IQCK: variants seen among roughly 807,000 people sequenced by gnomAD.
IQCK encodes IQ motif containing K, also known as IQ domain-containing protein K.
A neutral mutation model predicts 28.1 loss-of-function variants in IQCK; 29 were observed. That is an observed-to-expected ratio of 1.03 (90% CI 0.77 to 1.41). The LOEUF (loss-of-function observed/expected upper bound fraction) is 1.41, where lower values mean the gene tolerates loss of function less well. Ranked by LOEUF, IQCK falls within the 40% of genes most tolerant of loss-of-function variation. IQCK has a pLI of 0.00. For synonymous variants in IQCK, 113 were observed against 115.1 expected, an observed-to-expected ratio of 0.98 and a Z score of 0.12; for missense variants, 359 against 314.7, an observed-to-expected ratio of 1.14 and a Z score of -1.07.
chr16:19,857,293 C>G, exon 10 of IQCK: 1 of 352,020 alleles, frequency 2.8e-6, no homozygotes, highest in South Asian at 2.3e-5. Context: ...TACCACACGT[C>G]TTAAGTAAAT....
intron 7 of IQCK, among the ~76,000 whole-genome samples, chr16:19,820,800 TA>T (rs2056062068): frequency 6.6e-6 from 1 of 151,988 alleles, no homozygotes; most frequent in Non-Finnish European, 1.5e-5. Flanking sequence ...GTCCAAAACA[TA>T]TAATAAACTC....
At chr16:19,730,888 C>T (rs962823401) in intron 2 of IQCK, among the ~76,000 whole-genome samples, 1 of 152,060 alleles carries the variant, frequency 6.6e-6, no homozygotes, top group Non-Finnish European at 1.5e-5. Context: ...CACCCGCCAC[C>T]GTGCTTGGGA....
exon 10 of IQCK, chr16:19,858,165 T>C: frequency 4.2e-6 from 1 of 239,208 alleles, no homozygotes; most frequent in Non-Finnish European, 8.0e-6. Context: ...AGATGTCTCT[T>C]GATACTTTTC....
At chr16:19,835,587 CTTTT>C (rs372317479) in intron 9 of IQCK, among the ~76,000 whole-genome samples, 1 of 138,934 alleles carries the variant, frequency 7.2e-6, no homozygotes, top group Non-Finnish European at 1.6e-5. Context: ...CTTTTCTTTT[CTTTT>C]TTTTTTTTTT....
At chr16:19,747,502 T>G (rs1282156222) in intron 4 of IQCK, among the ~76,000 whole-genome samples, 2 of 152,120 alleles carry the variant, frequency 1.3e-5, no homozygotes, top group Admixed American at 1.3e-4. Context: ...TTTTTTTTTT[T>G]TTTAAGTAAA....
exon 10 of IQCK, chr16:19,856,501 G>A: frequency 6.2e-7 from 1 of 1,613,644 alleles, no homozygotes; most frequent in South Asian, 1.1e-5. Context: ...ATGCAAAATG[G>A]AGGACGATGC....
At chr16:19,855,605 A>G (rs1301551449) in intron 9 of IQCK, among the ~76,000 whole-genome samples, 1 of 152,152 alleles carries the variant, frequency 6.6e-6, no homozygotes, top group African/African-American at 2.4e-5. Flanking sequence ...AGTGCATTTC[A>G]TGGGATGGTG....
chr16:19,843,176 A>T (rs928114124), intron 9 of IQCK, among the ~76,000 whole-genome samples: 3 of 152,198 alleles, frequency 2.0e-5, no homozygotes, highest in African/African-American at 4.8e-5. Flanking sequence ...TTGAAATGTC[A>T]TCTTTCTTTT....
downstream of IQCK, among the ~76,000 whole-genome samples, chr16:19,830,510 A>G (rs1016660351): frequency 5.9e-5 from 9 of 152,208 alleles, no homozygotes; most frequent in East Asian, 1.7e-3. Context: ...TTTCCAAACA[A>G]GAAACACCTC....
At chr16:19,827,080 G>A (rs761146995) in exon 8 of IQCK, 10 of 1,613,982 alleles carry the variant, frequency 6.2e-6, no homozygotes, top group African/African-American at 5.3e-5. Context: ...GAAACTTCGC[G>A]AGGCCAAGCA....
At chr16:19,758,841 C>T (rs1178724792) in intron 4 of IQCK, among the ~76,000 whole-genome samples, 2 of 152,080 alleles carry the variant, frequency 1.3e-5, no homozygotes, top group Non-Finnish European at 2.9e-5. Context: ...ATTTTATTTA[C>T]TAAAAACTCC....
intron 6 of IQCK, among the ~76,000 whole-genome samples, chr16:19,778,307 C>G (rs565282391): frequency 1.3e-5 from 2 of 152,226 alleles, no homozygotes; most frequent in South Asian, 2.1e-4. Context: ...TGGGACTAAG[C>G]CCTTATCCTG....
At chr16:19,745,248 C>T (rs1183756444) in intron 4 of IQCK, among the ~76,000 whole-genome samples, 24 of 152,156 alleles carry the variant, frequency 1.6e-4, no homozygotes, top group Admixed American at 1.6e-3. Flanking sequence ...TGAATCACCT[C>T]ACCTACATCT....
chr16:19,844,326 G>A (rs771597818), intron 9 of IQCK, among the ~76,000 whole-genome samples: 30 of 152,124 alleles, frequency 2.0e-4, no homozygotes, highest in Non-Finnish European at 3.8e-4. Flanking sequence ...TGATCCGCCC[G>A]CCTTGGCCTC....
intron 9 of IQCK, among the ~76,000 whole-genome samples, chr16:19,845,016 C>T (rs542305253): frequency 3.9e-5 from 6 of 152,126 alleles, no homozygotes; most frequent in Admixed American, 3.3e-4. Context: ...ATTGCCCAGG[C>T]TGGTCTCGAA....
At chr16:19,809,308 G>A (rs1340806567) in intron 7 of IQCK, among the ~76,000 whole-genome samples, 1 of 152,196 alleles carries the variant, frequency 6.6e-6, no homozygotes, top group South Asian at 2.1e-4. Context: ...TTTTCATGAC[G>A]TGTGTTAGCT....
At chr16:19,723,936 G>C (rs1313923160) in intron 1 of IQCK, among the ~76,000 whole-genome samples, 1 of 151,600 alleles carries the variant, frequency 6.6e-6, no homozygotes, top group Admixed American at 6.6e-5. Context: ...CTCCAGCCTG[G>C]GTGACAGAGT....
chr16:19,738,835 C>T (rs1011375422), intron 4 of IQCK, among the ~76,000 whole-genome samples: 1 of 152,194 alleles, frequency 6.6e-6, no homozygotes, highest in Non-Finnish European at 1.5e-5. Context: ...GACTTGGTCC[C>T]AGTTCCCAGA....
chr16:19,785,941 C>T (rs753686605), intron 6 of IQCK, among the ~76,000 whole-genome samples: 16 of 152,100 alleles, frequency 1.1e-4, no homozygotes, highest in Non-Finnish European at 1.5e-4. Flanking sequence ...TTGTTCAAAA[C>T]GCCAAGAACC....
Sources: gnomAD v4.1 joint callset for allele counts (sites outside exome capture counted in the v4.1 genomes callset) on GRCh38, gnomAD v4.1.1 for gene constraint, MANE v1.5 for transcripts, NCBI Gene and HGNC (gene_info 2026-07-23, HGNC 2026-07-21) for gene names.